Variants in PDE6D observed in about 807,000 individuals in gnomAD.
PDE6D encodes phosphodiesterase 6D, also known as retinal rod rhodopsin-sensitive cGMP 3',5'-cyclic phosphodiesterase subunit delta.
In PDE6D, 10 loss-of-function variants were observed where a neutral mutation model predicts 21.9. That is an observed-to-expected ratio of 0.46 (90% CI 0.28 to 0.78). PDE6D has a LOEUF of 0.78. Ranked by LOEUF, PDE6D falls within the 30% of genes least tolerant of loss-of-function variation. PDE6D has a pLI of 0.12. For missense variants in PDE6D, 139 were observed against 184.8 expected, an observed-to-expected ratio of 0.75 and a Z score of 1.44; for synonymous variants, 59 against 63.5, an observed-to-expected ratio of 0.93 and a Z score of 0.34.
intron 1 of PDE6D, among the ~76,000 whole-genome samples, chr2:231,767,482 AT>A (rs2106283216): frequency 6.6e-6 from 1 of 152,000 alleles, no homozygotes; most frequent in South Asian, 2.1e-4. Context: ...CGCCTGGCTA[AT>A]TTTTTGTGTT....
chr2:231,746,373 C>G (rs969399939), intron 1 of PDE6D, among the ~76,000 whole-genome samples: 1 of 152,130 alleles, frequency 6.6e-6, no homozygotes, highest in African/African-American at 2.4e-5. Context: ...AAACCCCTGA[C>G]CTCAAGCAAT....
At chr2:231,734,653 A>C (rs1425783786) in intron 4 of PDE6D, among the ~76,000 whole-genome samples, 1 of 150,484 alleles carries the variant, frequency 6.6e-6, no homozygotes, top group African/African-American at 2.4e-5. Context: ...CATCCTGGCT[A>C]ACATGGTGAA....
intron 1 of PDE6D, among the ~76,000 whole-genome samples, chr2:231,744,601 T>C (rs2048777618): frequency 6.6e-6 from 1 of 151,932 alleles, no homozygotes. Context: ...GCCCGGCTAA[T>C]TTTGTATTTT....
intron 1 of PDE6D, among the ~76,000 whole-genome samples, chr2:231,765,798 T>G (rs1334944424): frequency 6.6e-6 from 1 of 152,220 alleles, no homozygotes; most frequent in Non-Finnish European, 1.5e-5. Flanking sequence ...TGGTTGTGGC[T>G]TTTTTCTTCC....
chr2:231,781,228 C>A lies in PDE6D; in HGVS notation c.-114G>T. The A allele has an allele frequency of 1.0e-6, 1 of 974,536 alleles. No individual in the cohort carries two copies. Among genetic ancestry groups the A allele is most frequent in the Non-Finnish European group, 1.6e-6 (1 of 625,142 alleles). 60.4% of individuals were successfully genotyped at this position (974,536 alleles called of 1,614,324 possible). A position where few individuals can be genotyped will look rare whatever the true frequency, so the allele number is the denominator to read the frequency against. The stretch of plus-strand genomic sequence containing the variant: ...CGGCTTGGAGACCTCGGGCTAGCAG[C>A]CGCAGCGGCCAGACCAGGACCGGCC... On this transcript the variant is annotated 5_prime_UTR_variant, in exon 1 of 5. Transcript: ENST00000287600.
rs575273243 is a variant in PDE6D, at chr2:231,735,691, A to C, written c.371+1496T>G. ...TTCCCAAGTAGCTAGGATTATAGGA[A>C]AGTGTCACCACACCTGGCTGTTAAA... On this transcript the variant is annotated intron_variant, in intron 4 of 4. Coordinates refer to ENST00000287600, the MANE Select transcript of PDE6D (RefSeq NM_002601.4). 2.1e-3 allele frequency among the ~76,000 whole-genome samples: 323 copies of C among 151,932 alleles called. 1 individual carries two copies. The highest frequency in any genetic ancestry group is 7.3e-3 in the African/African-American group (304 of 41,464).
chr2:231,737,046 G>A (rs2048707118), intron 4 of PDE6D, 141 bp downstream of exon 4: 2 of 450,574 alleles, frequency 4.4e-6, no homozygotes, highest in Admixed American at 4.0e-5. Context: ...CAGGAACCTG[G>A]AAACCTAGAT....
intron 1 of PDE6D, among the ~76,000 whole-genome samples, chr2:231,776,540 G>A (rs1293388123): frequency 2.0e-5 from 3 of 152,090 alleles, no homozygotes; most frequent in Admixed American, 1.3e-4. Context: ...GTCACTCTAG[G>A]TGGCTGGCGT....
chr2:231,752,999 T>C (rs1238679871), intron 1 of PDE6D, among the ~76,000 whole-genome samples: 3 of 150,036 alleles, frequency 2.0e-5, no homozygotes, highest in Admixed American at 1.3e-4. Context: ...GCCCGGCTAA[T>C]TTTTTGTATT....
At chr2:231,774,244 T>G (rs867871757) in intron 1 of PDE6D, among the ~76,000 whole-genome samples, 3 of 152,148 alleles carry the variant, frequency 2.0e-5, no homozygotes, top group African/African-American at 2.4e-5. Flanking sequence ...GTCATTATTA[T>G]TAGTAATTAT....
chr2:231,780,969 G>T (rs993337975), intron 1 of PDE6D, 96 bp downstream of exon 1: 10 of 1,112,256 alleles, frequency 9.0e-6, no homozygotes, highest in Non-Finnish European at 1.2e-5. Flanking sequence ...TTCTTCTGTG[G>T]GGCCCACCTG....
At chr2:231,756,042 G>A (rs2048880536) in intron 1 of PDE6D, among the ~76,000 whole-genome samples, 1 of 152,148 alleles carries the variant, frequency 6.6e-6, no homozygotes. Context: ...TGTGATGACA[G>A]AGCTTTTCTC....
intron 4 of PDE6D, among the ~76,000 whole-genome samples, chr2:231,733,819 T>A (rs1403162390): frequency 6.6e-6 from 1 of 152,116 alleles, no homozygotes; most frequent in Admixed American, 6.6e-5. Flanking sequence ...TCATTTTTCT[T>A]GGTGGGTATC....
chr2:231,768,443 T>G (rs777645304), intron 1 of PDE6D, among the ~76,000 whole-genome samples: 11 of 151,976 alleles, frequency 7.2e-5, no homozygotes, highest in Non-Finnish European at 1.5e-4. Flanking sequence ...CATGCTGGAG[T>G]GCGGTGGCGT....
chr2:231,732,918 A>T lies in PDE6D; in HGVS notation c.*34T>A. On this transcript the variant is annotated 3_prime_UTR_variant, in exon 5 of 5. Transcript: ENST00000287600. The stretch of plus-strand genomic sequence containing the variant: ...AACAGTTTCCTCCTCCCTCCAAAAA[A>T]CCCAAATTCTTGAAATGTACACACA... The T allele has an allele frequency of 6.9e-7, 1 of 1,458,694 alleles. No individual in the cohort carries two copies. The highest frequency in any genetic ancestry group is 9.6e-7 in the Non-Finnish European group (1 of 1,046,408). The allele number at this position is 1,458,694 out of a possible 1,614,324, so 90.4% of individuals were successfully genotyped here.
intron 1 of PDE6D, among the ~76,000 whole-genome samples, chr2:231,755,127 A>G (rs1182446277): frequency 1.3e-5 from 2 of 152,192 alleles, no homozygotes; most frequent in Non-Finnish European, 2.9e-5. Flanking sequence ...ACCTGGAAGA[A>G]GGCTCTCACC....
intron 4 of PDE6D, among the ~76,000 whole-genome samples, chr2:231,735,014 G>A (rs547720026): frequency 1.2e-3 from 188 of 150,938 alleles, no homozygotes; most frequent in African/African-American, 4.3e-3. Flanking sequence ...AGGCCGAGGC[G>A]GGCGGATCAC....
At chr2:231,740,313 T>C (rs1346493758) in intron 1 of PDE6D, among the ~76,000 whole-genome samples, 1 of 152,180 alleles carries the variant, frequency 6.6e-6, no homozygotes, top group Non-Finnish European at 1.5e-5. Context: ...ACATATATTT[T>C]GATAGCAGAA....
Position 231,750,660 on chromosome 2 carries a change from A to ATTTTTTT in PDE6D, c.51-11479_51-11473dup, listed in dbSNP as rs561604556. Reference sequence around the variant, plus strand: ...AGGTGTGTGCCACCATGCTCATCTAATTTTTTTTTTTTTTTTTTTTTTTTT... The same window carrying ATTTTTTT: ...AGGTGTGTGCCACCATGCTCATCTAATTTTTTTTTTTTTTTTTTTTTTTTTTTTTTTT... On this transcript the variant is annotated intron_variant, in intron 1 of 4. Transcript: ENST00000287600. Among the ~76,000 whole-genome samples, 39 of 92,084 alleles carry ATTTTTTT rather than the reference A, an allele frequency of 4.2e-4. 1 individual carries two copies. The highest frequency in any genetic ancestry group is 2.1e-3 in the African/African-American group (34 of 15,830). The allele number at this position is 92,084 out of a possible 152,430, so 60.4% of individuals were successfully genotyped here.
Sources: gnomAD v4.1 joint callset for allele counts (sites outside exome capture counted in the v4.1 genomes callset) on GRCh38, gnomAD v4.1.1 for gene constraint, MANE v1.5 for transcripts, NCBI Gene and HGNC (gene_info 2026-07-23, HGNC 2026-07-21) for gene names.